Variants in UNG observed in about 807,000 individuals in gnomAD.
The protein encoded by UNG is uracil-DNA glycosylase.
In UNG, 34 loss-of-function variants were observed where a neutral mutation model predicts 36.5. That is an observed-to-expected ratio of 0.93 (90% CI 0.71 to 1.24). The LOEUF (loss-of-function observed/expected upper bound fraction) is 1.24. UNG is among the 50% of genes most tolerant of loss of function. UNG has a pLI of 0.00. For missense variants in UNG, 391 were observed against 397.6 expected, an observed-to-expected ratio of 0.98 and a Z score of 0.14; for synonymous variants, 172 against 157.8, an observed-to-expected ratio of 1.09 and a Z score of -0.67.
At chr12:109,106,298 A>G (rs1458480991) in intron 6 of UNG, among the ~76,000 whole-genome samples, 1 of 152,188 alleles carries the variant, frequency 6.6e-6, no homozygotes, top group African/African-American at 2.4e-5. Context: ...TACTGAGGGT[A>G]GAGGTAGGCC....
intron 6 of UNG, among the ~76,000 whole-genome samples, chr12:109,108,317 G>GT (rs888133245): frequency 1.8e-4 from 27 of 151,088 alleles, no homozygotes; most frequent in South Asian, 4.2e-4. Flanking sequence ...CTCACACGTT[G>GT]TTTTTTTTTC....
At chr12:109,105,945 T>C (rs2042212239) in intron 6 of UNG, among the ~76,000 whole-genome samples, 1 of 152,254 alleles carries the variant, frequency 6.6e-6, no homozygotes, top group South Asian at 2.1e-4. Context: ...GACTTAACTC[T>C]ATCCCTCTTT....
chr12:109,108,880 C>T (rs1418883928), intron 6 of UNG, among the ~76,000 whole-genome samples: 1 of 152,124 alleles, frequency 6.6e-6, no homozygotes, highest in Non-Finnish European at 1.5e-5. Flanking sequence ...AGTTGTCCTA[C>T]CTTGGCCTCC....
intron 5 of UNG, 33 bp downstream of exon 5, chr12:109,102,960 T>A: frequency 6.6e-7 from 1 of 1,525,828 alleles, no homozygotes; most frequent in Non-Finnish European, 9.0e-7. Context: ...TTTTTTTTTT[T>A]TTTTTTTTTG....
Position 109,098,644 on chromosome 12 carries a change from T to C in UNG, c.339+6T>C, listed in dbSNP as rs1055290694. 3.1e-6 allele frequency: 5 copies of C among 1,613,092 alleles called. No individual in the cohort carries two copies. Among genetic ancestry groups the C allele is most frequent in the Middle Eastern group, 3.3e-4 (2 of 6,082 alleles). On this transcript the variant is annotated splice_donor_region_variant and intron_variant, in intron 2 of 6. Coordinates refer to ENST00000242576, the MANE Select transcript of UNG (RefSeq NM_080911.3). ...GGAAACCGTATTTTATCAAGGTAAA[T>C]ATGGAAATGCACCTTCCATAAGGGT...
At chr12:109,099,703 GGTTCT>G (rs2042162911) in intron 3 of UNG, among the ~76,000 whole-genome samples, 1 of 152,118 alleles carries the variant, frequency 6.6e-6, no homozygotes, top group Non-Finnish European at 1.5e-5. Context: ...ACAGTTTTGT[GGTTCT>G]GTTATCAGAT....
chr12:109,110,129 T>G lies in UNG; in HGVS notation c.*160T>G, dbSNP rs1593326674. The G allele has an allele frequency of 1.1e-6, 1 of 919,800 alleles. No homozygotes were observed. Among genetic ancestry groups the G allele is most frequent in the South Asian group, 1.5e-5 (1 of 65,986 alleles). The allele number at this position is 919,800 out of a possible 1,614,324, so 57.0% of individuals were successfully genotyped here. ...CCAGGCTGTCCAGGAATGGCAGCTG[T>G]ATCCAACCACAAACAACAAAGGCTA... On this transcript the variant is annotated 3_prime_UTR_variant, in exon 7 of 7. Coordinates refer to ENST00000242576, the MANE Select transcript of UNG (RefSeq NM_080911.3).
At position 109,103,449 on chromosome 12, in the gene UNG, C is replaced by T. The variant is rs761526932; in HGVS notation, c.639C>T (p.Asn213=). ...GWAKQGVLLL[N]AVLTVRAHQA... ...TGTGTATAGGTGTTCTCCTTCTCAACGCTGTCCTCACGGTTCGTGCCCATC... is the reference window on the plus strand; with the variant it reads ...TGTGTATAGGTGTTCTCCTTCTCAATGCTGTCCTCACGGTTCGTGCCCATC... Residue 213 remains asparagine, a synonymous_variant, in exon 6 of 7, where the codon AAC becomes AAT. Coordinates refer to ENST00000242576, the MANE Select transcript of UNG (RefSeq NM_080911.3). 14 of 1,614,006 alleles carry T rather than the reference C, an allele frequency of 8.7e-6. No homozygotes were observed. Among genetic ancestry groups the T allele is most frequent in the East Asian group, 6.7e-5 (3 of 44,876 alleles).
chr12:109,099,384 G>C (rs1176924806), intron 3 of UNG, 100 bp downstream of exon 3: 20 of 1,031,304 alleles, frequency 1.9e-5, no homozygotes, highest in Non-Finnish European at 2.8e-5. Flanking sequence ...TCATTCAGTA[G>C]TAAATAAAAC....
chr12:109,098,760 C>G, intron 2 of UNG, 122 bp downstream of exon 2: 1 of 1,286,314 alleles, frequency 7.8e-7, no homozygotes, highest in Non-Finnish European at 1.1e-6. Context: ...CTTCAACCTC[C>G]TTTACTCACA....
chr12:109,102,105 A>G, intron 4 of UNG, 106 bp downstream of exon 4: 1 of 1,040,078 alleles, frequency 9.6e-7, no homozygotes, highest in Non-Finnish European at 1.5e-6. Flanking sequence ...CTAGCCTTGG[A>G]GGAGGATTTC....
intron 6 of UNG, among the ~76,000 whole-genome samples, chr12:109,108,823 G>A (rs2042238236): frequency 6.6e-6 from 1 of 151,974 alleles, no homozygotes; most frequent in Admixed American, 6.6e-5. Flanking sequence ...GTAGAGATGG[G>A]GTCTCGCTAT....
chr12:109,106,803 G>A (rs1279891406), intron 6 of UNG, among the ~76,000 whole-genome samples: 1 of 135,306 alleles, frequency 7.4e-6, no homozygotes, highest in Non-Finnish European at 1.6e-5. Flanking sequence ...GGAGGCAGAG[G>A]TTGCAGTTAG....
At chr12:109,098,674 G>T in intron 2 of UNG, 36 bp downstream of exon 2, 1 of 1,612,728 alleles carries the variant, frequency 6.2e-7, no homozygotes, top group Non-Finnish European at 8.5e-7. Flanking sequence ...AAGGGTAAAT[G>T]TGGAGGCTGC....
intron 6 of UNG, among the ~76,000 whole-genome samples, 156 bp from the exon 7 acceptor site, chr12:109,109,673 C>G (rs145241612): frequency 3.2e-4 from 48 of 149,342 alleles, no homozygotes; most frequent in African/African-American, 1.2e-3. Flanking sequence ...GTCCCAGCTA[C>G]TTGGGAAGCT....
chr12:109,098,532 A>AGGCCGCGGCAG lies in UNG; in HGVS notation c.242_243insAGGGCCGCGGC (p.Leu82GlyfsTer37). ...CAGTTGGACCGGATCCAGAGGAACA[A>AGGCCGCGGCAG]GGCCGCGGCCCTGCTCAGACTCGCG... On this transcript the variant is annotated frameshift_variant, in exon 2 of 7. Coordinates refer to ENST00000242576, the MANE Select transcript of UNG (RefSeq NM_080911.3). LOFTEE classifies it high-confidence loss of function. The AGGCCGCGGCAG allele has an allele frequency of 6.2e-7, 1 of 1,613,070 alleles. No homozygotes were observed. The highest frequency in any genetic ancestry group is 1.1e-5 in the South Asian group (1 of 91,064).
rs1566119380 is a variant in UNG at position 109,097,825 on chromosome 12, T to C, written c.132+14T>C. 2.0e-6 allele frequency: 3 copies of C among 1,535,096 alleles called. No individual in the cohort carries two copies. The African/African-American group carries it at 4.1e-5, about 21-fold the overall frequency. On this transcript the variant is annotated intron_variant, in intron 1 of 6. Coordinates refer to ENST00000242576, the MANE Select transcript of UNG (RefSeq NM_080911.3). ...GGAGATGCGGCGGTGAGGCGCGGCT[T>C]GGGCCGGGGCTAGGGGGTGAAGGGG...
In UNG at chr12:109,110,070, T is replaced by C; in HGVS notation, c.*101T>C. 6.5e-7 allele frequency: 1 copy of C among 1,539,842 alleles called. No homozygotes were observed. Among genetic ancestry groups the C allele is most frequent in the Non-Finnish European group, 8.9e-7 (1 of 1,129,506 alleles). ...CCTATTAATTCTTAAGTACTCTGCA[T>C]AAGGGGGAAAAGCTTCCAGAAAGCA... On this transcript the variant is annotated 3_prime_UTR_variant, in exon 7 of 7. Transcript: ENST00000242576.
intron 6 of UNG, among the ~76,000 whole-genome samples, chr12:109,107,405 C>T (rs1273987154): frequency 2.0e-5 from 3 of 151,790 alleles, no homozygotes; most frequent in East Asian, 1.9e-4. Context: ...GGTTTCACCA[C>T]GTTGCCCAGG....
Sources: allele counts gnomAD v4.1 joint callset (sites outside exome capture counted in the v4.1 genomes callset), GRCh38; gene constraint gnomAD v4.1.1; transcripts MANE v1.5; gene names NCBI Gene and HGNC (gene_info 2026-07-23, HGNC 2026-07-21).